VMA22: variants seen among roughly 807,000 people sequenced by gnomAD.
The protein encoded by VMA22 is vacuolar ATPase assembly protein VMA22.
chr2:130,340,963 C>A, the VMA22 span: 1 of 1,613,894 alleles, frequency 6.2e-7, no homozygotes. Context: ...GGATTCCAAA[C>A]CAGTTCAGGG....
chr2:130,341,414 C>A, the VMA22 span: 1 of 559,920 alleles, frequency 1.8e-6, no homozygotes, highest in South Asian at 2.3e-5. Context: ...TAGCTAGACA[C>A]ACAGATAAAT....
chr2:130,341,103 A>G, the VMA22 span: 1 of 1,485,562 alleles, frequency 6.7e-7, no homozygotes, highest in South Asian at 1.4e-5. Context: ...TCTTGGTGAC[A>G]ATGTTGAGCT....
chr2:130,341,984 G>C, the VMA22 span: 134 of 1,612,852 alleles, frequency 8.3e-5, no homozygotes, highest in Non-Finnish European at 1.3e-5. Flanking sequence ...GTTTACGCCC[G>C]TGTACCCTCC....
At chr2:130,339,268 T>A in the VMA22 span, 4 of 1,574,930 alleles carry the variant, frequency 2.5e-6, no homozygotes, top group East Asian at 9.0e-5. Context: ...ATGGTATCTG[T>A]AGTGTAACAC....
At chr2:130,342,228 A>G in the VMA22 span, 2 of 1,551,572 alleles carry the variant, frequency 1.3e-6, no homozygotes, top group African/African-American at 2.8e-5. Flanking sequence ...GGGCGTTCCC[A>G]TCTGGGGATC....
chr2:130,340,747 A>T, the VMA22 span: 1 of 797,014 alleles, frequency 1.3e-6, no homozygotes, highest in Non-Finnish European at 2.0e-6. Flanking sequence ...ACAACCAGTA[A>T]ATGCTTTTGG....
At chr2:130,342,441 G>C in the VMA22 span, 32 of 557,090 alleles carry the variant, frequency 5.7e-5, no homozygotes, top group Non-Finnish European at 9.9e-5. Context: ...CACTGTTGTG[G>C]CGATGGAAGA....
At chr2:130,341,084 C>T in the VMA22 span, 1 of 1,524,548 alleles carries the variant, frequency 6.6e-7, no homozygotes, top group South Asian at 1.3e-5. Context: ...TACTCCCTGA[C>T]CTTTATCATC....
chr2:130,342,036 C>T, the VMA22 span: 8 of 1,614,020 alleles, frequency 5.0e-6, no homozygotes, highest in East Asian at 1.8e-4. Context: ...GGGCGTTCAA[C>T]ACCGTTCGTT....
At chr2:130,341,118 C>A in the VMA22 span, 1 of 1,435,586 alleles carries the variant, frequency 7.0e-7, no homozygotes. Flanking sequence ...TGAGCTTGAT[C>A]TGAGCTCATG....
the VMA22 span, chr2:130,341,342 C>G: frequency 1.9e-6 from 1 of 539,366 alleles, no homozygotes. Flanking sequence ...CATAGACGTT[C>G]CAACTCCCCA....
At chr2:130,339,311 T>C in the VMA22 span, 9 of 1,415,974 alleles carry the variant, frequency 6.4e-6, no homozygotes, top group South Asian at 3.7e-5. Flanking sequence ...TCCCCAGAAA[T>C]TGGAAAGGCT....
chr2:130,340,475 G>GAA, the VMA22 span: 1 of 252,676 alleles, frequency 4.0e-6, no homozygotes, highest in South Asian at 3.8e-5. Flanking sequence ...CTTTTGTCCT[G>GAA]GCTGGTTCCT....
At chr2:130,342,522 G>A in the VMA22 span, 2 of 467,992 alleles carry the variant, frequency 4.3e-6, no homozygotes, top group Non-Finnish European at 7.7e-6. Context: ...AAAGGAGCCG[G>A]CAAGCAACCT....
the VMA22 span, chr2:130,341,676 G>T: frequency 6.2e-7 from 1 of 1,610,852 alleles, no homozygotes; most frequent in Non-Finnish European, 8.5e-7. Flanking sequence ...CCTGCTTCGC[G>T]AGGCCCCACC....
At chr2:130,342,644 C>A in the VMA22 span, 70 of 483,600 alleles carry the variant, frequency 1.4e-4, no homozygotes, top group Admixed American at 5.4e-4. Flanking sequence ...GGGGGGAGGA[C>A]GAGGATGGAG....
chr2:130,341,850 A>G, the VMA22 span: 1 of 1,203,568 alleles, frequency 8.3e-7, no homozygotes, highest in Non-Finnish European at 1.1e-6. Flanking sequence ...CCTGGCGTGG[A>G]GGCAGACCTG....
chr2:130,341,273 C>A, the VMA22 span: 1 of 574,126 alleles, frequency 1.7e-6, no homozygotes, highest in Non-Finnish European at 3.1e-6. Flanking sequence ...CCACTGATGA[C>A]CCTGTTTGCC....
At chr2:130,342,287 G>A in the VMA22 span, 3 of 1,397,224 alleles carry the variant, frequency 2.1e-6, no homozygotes, top group Non-Finnish European at 1.9e-6. Context: ...TTAAGGGCAA[G>A]CGCCCTTAGA....
Sources: gnomAD v4.1 joint callset for allele counts on GRCh38, gnomAD v4.1.1 for gene constraint, MANE v1.5 for transcripts, NCBI Gene and HGNC (gene_info 2026-07-23, HGNC 2026-07-21) for gene names.